PPFIA2: variants seen among roughly 807,000 people sequenced by gnomAD.
PPFIA2 encodes PPFI scaffold protein A2, also known as liprin-alpha-2.
PPFIA2 carries 46 observed loss-of-function variants against 175.5 expected under a neutral mutation model. The ratio of observed to expected loss-of-function variants is 0.26; its 90% CI spans 0.21 to 0.34. PPFIA2 has a LOEUF of 0.34. Among genes scored for constraint, PPFIA2 ranks in the 10% least tolerant of loss-of-function variants. The probability of loss-of-function intolerance (pLI) is 1.00; values close to 1 mark genes in which losing one functional copy is unlikely to be tolerated. For synonymous variants in PPFIA2, 568 were observed against 511.4 expected (o/e 1.11, Z -1.49); for missense variants, 1,179 against 1,506.1 (o/e 0.78, Z 3.60).
intron 28 of PPFIA2, among the ~76,000 whole-genome samples, 171 bp downstream of exon 28, chr12:81,277,146 C>A (rs1481977312): frequency 6.6e-6 from 1 of 151,978 alleles, no homozygotes; most frequent in African/African-American, 2.4e-5. Context: ...TATGGAGATA[C>A]CTGTTTCTGT....
At chr12:81,625,019 G>A (rs956224456) in intron 4 of PPFIA2, among the ~76,000 whole-genome samples, 2 of 151,722 alleles carry the variant, frequency 1.3e-5, no homozygotes, top group African/African-American at 2.4e-5. Flanking sequence ...TGCTAAAAAT[G>A]TATGGCAGTA....
At chr12:81,557,104 A>G (rs2069011861) in intron 4 of PPFIA2, among the ~76,000 whole-genome samples, 1 of 151,610 alleles carries the variant, frequency 6.6e-6, no homozygotes, top group Admixed American at 6.6e-5. Context: ...AGTATTTATC[A>G]GGTCTCATTC....
chr12:81,484,708 A>G (rs1310901754), intron 4 of PPFIA2, among the ~76,000 whole-genome samples: 1 of 151,916 alleles, frequency 6.6e-6, no homozygotes, highest in African/African-American at 2.4e-5. Context: ...CAGCTTTTAA[A>G]TCTCTACTTT....
chr12:81,472,912 C>T (rs1481729244), intron 4 of PPFIA2: 1 of 152,144 alleles, frequency 6.6e-6, no homozygotes. Flanking sequence ...TTGGGAAGCA[C>T]TTTGTAAAAT....
chr12:81,499,460 T>C (rs1236364228), intron 4 of PPFIA2, among the ~76,000 whole-genome samples: 1 of 152,100 alleles, frequency 6.6e-6, no homozygotes, highest in Non-Finnish European at 1.5e-5. Context: ...TTAATTCTCA[T>C]CATGGAGGTA....
chr12:81,577,363 CA>C (rs1463776044), intron 4 of PPFIA2, among the ~76,000 whole-genome samples: 1 of 151,786 alleles, frequency 6.6e-6, no homozygotes, highest in African/African-American at 2.4e-5. Context: ...ATCCTGTGCA[CA>C]GTATTAGCAA....
At chr12:81,465,346 C>G (rs535163645) in intron 4 of PPFIA2, 2 of 152,192 alleles carry the variant, frequency 1.3e-5, no homozygotes, top group African/African-American at 4.8e-5. Flanking sequence ...CTAAACACTG[C>G]CAACACCCTC....
In PPFIA2 at chr12:81,589,414, A is replaced by T. The variant is rs7977984; in HGVS notation, c.303+87377T>A. Among the ~76,000 whole-genome samples the T allele has an allele frequency of 4.2e-3, 634 of 152,218 alleles. 5 individuals are homozygous for T. Among genetic ancestry groups the T allele is most frequent in the African/African-American group, 0.015 (603 of 41,546 alleles). ...CAGTGCAATTTCAGGATATAAGTTT[A>T]TTGGAAATTTGATTATAATAAATAT... On this transcript the variant is annotated intron_variant, in intron 4 of 32. Transcript: ENST00000549396.
At chr12:81,451,115 C>G (rs1212891491) in intron 5 of PPFIA2, among the ~76,000 whole-genome samples, 3 of 152,102 alleles carry the variant, frequency 2.0e-5, no homozygotes, top group Admixed American at 2.0e-4. Context: ...TACACACGCT[C>G]ACATACAGAC....
chr12:81,701,386 C>A (rs1351459806), intron 3 of PPFIA2, among the ~76,000 whole-genome samples: 1 of 152,094 alleles, frequency 6.6e-6, no homozygotes, highest in African/African-American at 2.4e-5. Context: ...AGGGTACCAT[C>A]TTGAAGAAAC....
chr12:81,553,754 T>A (rs558089754), intron 4 of PPFIA2, among the ~76,000 whole-genome samples: 8 of 152,020 alleles, frequency 5.3e-5, no homozygotes, highest in Non-Finnish European at 1.2e-4. Context: ...ATTGAGAGAC[T>A]TTGGGTGAGA....
intron 4 of PPFIA2, among the ~76,000 whole-genome samples, chr12:81,659,334 C>G (rs2068373478): frequency 6.6e-6 from 1 of 152,168 alleles, no homozygotes; most frequent in African/African-American, 2.4e-5. Flanking sequence ...GGGTGACAGA[C>G]AGCACCTGGA....
intron 4 of PPFIA2, among the ~76,000 whole-genome samples, chr12:81,676,134 T>G (rs529484817): frequency 2.6e-5 from 4 of 152,214 alleles, no homozygotes; most frequent in African/African-American, 9.6e-5. Flanking sequence ...CAAAAATGTA[T>G]GCATTGACTA....
chr12:81,448,806 G>A (rs547536743), intron 5 of PPFIA2, among the ~76,000 whole-genome samples: 1 of 152,176 alleles, frequency 6.6e-6, no homozygotes, highest in South Asian at 2.1e-4. Flanking sequence ...TAACTCAAAT[G>A]CCACTTTTCA....
At chr12:81,461,431 C>T (rs751289590) in intron 4 of PPFIA2, among the ~76,000 whole-genome samples, 1 of 152,046 alleles carries the variant, frequency 6.6e-6, no homozygotes, top group African/African-American at 2.4e-5. Flanking sequence ...TCTAACTATC[C>T]AGCCATTCAT....
chr12:81,290,875 T>C (rs1292866107), intron 24 of PPFIA2, among the ~76,000 whole-genome samples: 2 of 151,836 alleles, frequency 1.3e-5, no homozygotes, highest in Non-Finnish European at 3.0e-5. Flanking sequence ...CAACAAATTG[T>C]GTTACACAAA....
chr12:81,702,577 GA>G, intron 3 of PPFIA2, among the ~76,000 whole-genome samples: 1 of 152,194 alleles, frequency 6.6e-6, no homozygotes, highest in South Asian at 2.1e-4. Context: ...AAAATGTACA[GA>G]AAGCCACTGA....
intron 24 of PPFIA2, 140 bp from the exon 25 acceptor site, chr12:81,284,443 C>G (rs1242554312): frequency 4.8e-6 from 3 of 623,548 alleles, no homozygotes. Context: ...ATGAAAGAGA[C>G]AGCATGGCTG....
chr12:81,285,683 C>T (rs1308160185), intron 24 of PPFIA2, among the ~76,000 whole-genome samples: 1 of 152,020 alleles, frequency 6.6e-6, no homozygotes, highest in African/African-American at 2.4e-5. Context: ...TGTGGTAATG[C>T]TAGTGTAAAC....
Sources: gnomAD v4.1 joint callset for allele counts (sites outside exome capture counted in the v4.1 genomes callset) on GRCh38, gnomAD v4.1.1 for gene constraint, MANE v1.5 for transcripts, NCBI Gene and HGNC (gene_info 2026-07-23, HGNC 2026-07-21) for gene names.